The following KCNH5 variants were observed in gnomAD, a reference collection of about 807,000 sequenced individuals.
KCNH5 encodes potassium voltage-gated channel subfamily H member 5, also known as voltage-gated delayed rectifier potassium channel KCNH5.
KCNH5 carries 46 observed loss-of-function variants against 96.1 expected under a neutral mutation model. The observed-to-expected ratio is 0.48, with a 90% CI of 0.38 to 0.61. The LOEUF (loss-of-function observed/expected upper bound fraction) is 0.61. Ranked by LOEUF, KCNH5 falls within the 20% of genes least tolerant of loss-of-function variation. KCNH5 has a pLI of 0.00. For synonymous variants in KCNH5, 439 were observed against 449.8 expected, an observed-to-expected ratio of 0.98 and a Z score of 0.30; for missense variants, 907 against 1,225.8, an observed-to-expected ratio of 0.74 and a Z score of 3.88.
intron 4 of KCNH5, among the ~76,000 whole-genome samples, chr14:62,988,553 G>T (rs374191667): frequency 3.3e-5 from 5 of 151,992 alleles, no homozygotes; most frequent in African/African-American, 1.2e-4. Context: ...GATTGGAAAA[G>T]AAATAAACTG....
At position 62,708,306 on chromosome 14, in the gene KCNH5, G is replaced by C; in HGVS notation, c.2169C>G (p.Gly723=). 1 of 1,614,148 alleles carries C rather than the reference G, an allele frequency of 6.2e-7. No homozygotes were observed. Among genetic ancestry groups the C allele is most frequent in the Non-Finnish European group, 8.5e-7 (1 of 1,180,040 alleles). Residue 723 remains glycine (G), a synonymous_variant, in exon 11 of 11, where the codon GGC becomes GGG. Coordinates refer to ENST00000322893, the MANE Select transcript of KCNH5 (RefSeq NM_139318.5). ...TCCTCTCAGGGTCACCCTGTGTTGA[G>C]CCCTGATTCCGCAGCTCCTTCTGCT... is the stretch of plus-strand genomic sequence containing the variant. ...FKQQKELRNQ[G]STQGDPERNQ...
chr14:62,960,321 T>A (rs1466912556), intron 6 of KCNH5, among the ~76,000 whole-genome samples: 1 of 152,184 alleles, frequency 6.6e-6, no homozygotes, highest in Non-Finnish European at 1.5e-5. Context: ...GACACTTGTC[T>A]CTTTGTGATT....
intron 6 of KCNH5, among the ~76,000 whole-genome samples, chr14:62,972,165 C>T (rs1437729282): frequency 3.3e-5 from 5 of 152,012 alleles, no homozygotes; most frequent in Non-Finnish European, 5.9e-5. Flanking sequence ...TAAAAAAATG[C>T]ACAAAAGATC....
intron 1 of KCNH5, among the ~76,000 whole-genome samples, chr14:63,030,489 C>T (rs75059187): frequency 0.012 from 1,754 of 152,252 alleles, 24 homozygotes; most frequent in African/African-American, 0.03. Flanking sequence ...GAATCAAAGA[C>T]CCTTAATTCC....
intron 7 of KCNH5, among the ~76,000 whole-genome samples, chr14:62,936,051 A>T (rs970842788): frequency 6.6e-6 from 1 of 152,340 alleles, no homozygotes; most frequent in South Asian, 2.1e-4. Flanking sequence ...AGAGCCAGAA[A>T]GAGAGAAATA....
intron 1 of KCNH5, among the ~76,000 whole-genome samples, chr14:63,028,388 T>C (rs1891563902): frequency 6.6e-6 from 1 of 152,124 alleles, no homozygotes. Flanking sequence ...ACTCCTACTC[T>C]ATGCTAGGTA....
At chr14:62,860,367 T>C (rs1888009471) in intron 7 of KCNH5, among the ~76,000 whole-genome samples, 1 of 152,208 alleles carries the variant, frequency 6.6e-6, no homozygotes, top group Non-Finnish European at 1.5e-5. Context: ...CTTTATTCTC[T>C]CTAATCCAGC....
chr14:62,752,068 C>A (rs1423584208), intron 10 of KCNH5, among the ~76,000 whole-genome samples: 1 of 152,204 alleles, frequency 6.6e-6, no homozygotes, highest in Admixed American at 6.5e-5. Context: ...TCCCTTCCAA[C>A]CAACAAGTGA....
chr14:62,911,847 C>T (rs1327294986), intron 7 of KCNH5, among the ~76,000 whole-genome samples: 1 of 151,076 alleles, frequency 6.6e-6, no homozygotes, highest in Admixed American at 6.6e-5. Flanking sequence ...CAAGCCTGGC[C>T]AACATAGTAA....
chr14:62,784,997 C>T (rs1001603850), intron 9 of KCNH5, among the ~76,000 whole-genome samples: 2 of 151,908 alleles, frequency 1.3e-5, no homozygotes, highest in Non-Finnish European at 2.9e-5. Context: ...GATAATTCTG[C>T]CCCCAACATC....
chr14:62,922,779 T>G (rs368488174), intron 7 of KCNH5, among the ~76,000 whole-genome samples: 6 of 151,916 alleles, frequency 3.9e-5, no homozygotes, highest in African/African-American at 1.2e-4. Context: ...ACATTAGGTA[T>G]AGGAAGAATA....
In KCNH5 at chr14:62,703,960, A is replaced by G. The variant is rs1884386309; in HGVS notation, c.*3548T>C. ...ACTGCTCTGAAGGCTAATATTAAAA[A>G]AAATTCCAAATGACTTTAGCTATTT... is the stretch of plus-strand genomic sequence containing the variant. On this transcript the variant is annotated 3_prime_UTR_variant, in exon 11 of 11. Transcript: ENST00000322893. 1.3e-5 allele frequency: 2 copies of G among 151,960 alleles called. No homozygotes were observed. The highest frequency in any genetic ancestry group is 1.3e-4 in the Admixed American group (2 of 15,254). 9.4% of individuals were successfully genotyped at this position (151,960 alleles called of 1,614,324 possible). A position where few individuals can be genotyped will look rare whatever the true frequency, so the allele number is the denominator to read the frequency against.
At chr14:62,739,080 A>G (rs965064907) in intron 10 of KCNH5, among the ~76,000 whole-genome samples, 12 of 152,154 alleles carry the variant, frequency 7.9e-5, no homozygotes, top group African/African-American at 2.4e-4. Context: ...TTTACCTATA[A>G]TTAGATTTTA....
At chr14:62,986,974 A>G (rs1348765099) in intron 5 of KCNH5, 98 bp downstream of exon 5, 4 of 776,156 alleles carry the variant, frequency 5.2e-6, no homozygotes, top group Non-Finnish European at 8.9e-6. Flanking sequence ...CTAAGTATTT[A>G]TAAGATCATA....
intron 10 of KCNH5, among the ~76,000 whole-genome samples, chr14:62,710,728 C>T (rs773867017): frequency 8.6e-5 from 13 of 152,046 alleles, no homozygotes; most frequent in South Asian, 2.1e-4. Flanking sequence ...AAAATGGAAC[C>T]GTTTCAAAGT....
intron 7 of KCNH5, among the ~76,000 whole-genome samples, chr14:62,899,242 AT>A (rs1215365926): frequency 2.0e-5 from 3 of 152,198 alleles, no homozygotes; most frequent in Admixed American, 2.0e-4. Context: ...ATTTAAAAAA[AT>A]ATTAAAAATT....
At chr14:62,832,685 GT>G (rs1887380047) in intron 8 of KCNH5, among the ~76,000 whole-genome samples, 1 of 152,232 alleles carries the variant, frequency 6.6e-6, no homozygotes, top group Non-Finnish European at 1.5e-5. Flanking sequence ...ACTCCGTCCT[GT>G]TTTCCATAGC....
intron 4 of KCNH5, among the ~76,000 whole-genome samples, chr14:62,996,960 T>C (rs1890916198): frequency 6.6e-6 from 1 of 152,224 alleles, no homozygotes; most frequent in African/African-American, 2.4e-5. Context: ...AGGTCACAAA[T>C]CAGATGCCAA....
At chr14:62,931,885 G>C (rs186675740) in intron 7 of KCNH5, among the ~76,000 whole-genome samples, 89 of 152,228 alleles carry the variant, frequency 5.8e-4, no homozygotes, top group African/African-American at 2.0e-3. Context: ...GTTTCACACT[G>C]AAATCAGGGG....
Sources: gnomAD v4.1 joint callset for allele counts (sites outside exome capture counted in the v4.1 genomes callset) on GRCh38, gnomAD v4.1.1 for gene constraint, MANE v1.5 for transcripts, NCBI Gene and HGNC (gene_info 2026-07-23, HGNC 2026-07-21) for gene names.